TIAM2: variants seen among roughly 807,000 people sequenced by gnomAD.
The protein encoded by TIAM2 is TIAM Rac1 associated GEF 2.
Under a neutral mutation model 152.9 loss-of-function variants are expected in TIAM2, and 80 were observed. The ratio of observed to expected loss-of-function variants is 0.52; its 90% CI spans 0.44 to 0.63. The LOEUF (loss-of-function observed/expected upper bound fraction) is 0.63, where lower values mean the gene tolerates loss of function less well. Ranked by LOEUF, TIAM2 falls within the 30% of genes least tolerant of loss-of-function variation. The probability of loss-of-function intolerance (pLI) is 0.00; values close to 1 mark genes in which losing one functional copy is unlikely to be tolerated. For synonymous variants in TIAM2, 804 were observed against 838.0 expected (o/e 0.96, Z 0.70); for missense variants, 1,965 against 2,120.1 (o/e 0.93, Z 1.44).
At chr6:155,044,774 C>CGCACTCCAGCCACGGT (rs1777127930) in intron 1 of TIAM2, among the ~76,000 whole-genome samples, 1 of 151,740 alleles carries the variant, frequency 6.6e-6, no homozygotes, top group Non-Finnish European at 1.5e-5. Flanking sequence ...ATTGCACCAC[C>CGCACTCCAGCCACGGT]GCACTCCAGC....
In TIAM2 at chr6:155,250,899, T is replaced by C. The variant is rs1325564018; in HGVS notation, c.3952-14T>C. On this transcript the variant is annotated splice_polypyrimidine_tract_variant and intron_variant, in intron 21 of 26. Transcript: ENST00000682666. ...ATTTCCGTATCTTCCTTACCTCCTG[T>C]TTTTACAATCTAGGTAACAGAACTT... 4 of 1,613,138 alleles carry C rather than the reference T, an allele frequency of 2.5e-6. No homozygotes were observed. The highest frequency in any genetic ancestry group is 4.5e-5 in the East Asian group (2 of 44,888).
intron 14 of TIAM2, among the ~76,000 whole-genome samples, chr6:155,190,753 T>G (rs1365254478): frequency 6.6e-6 from 1 of 151,984 alleles, no homozygotes; most frequent in African/African-American, 2.4e-5. Context: ...GAAGGTAGAG[T>G]GAGCCGGCTC....
At chr6:155,201,745 T>A (rs1471891269) in intron 14 of TIAM2, among the ~76,000 whole-genome samples, 9 of 152,226 alleles carry the variant, frequency 5.9e-5, no homozygotes, top group Non-Finnish European at 1.5e-5. Flanking sequence ...ATGTATTTTT[T>A]CCCACTCTAA....
At chr6:155,002,225 A>G (rs1254901062) in intron 1 of TIAM2, among the ~76,000 whole-genome samples, 2 of 152,196 alleles carry the variant, frequency 1.3e-5, no homozygotes, top group African/African-American at 4.8e-5. Context: ...CCTAGGCAAC[A>G]TAGTAAGACC....
At chr6:155,101,874 G>T (rs981564714) in intron 2 of TIAM2, among the ~76,000 whole-genome samples, 1 of 152,038 alleles carries the variant, frequency 6.6e-6, no homozygotes, top group East Asian at 1.9e-4. Flanking sequence ...GCTATTTTTT[G>T]TATTTTTTTA....
At chr6:155,239,523 G>A (rs1782927366) in intron 15 of TIAM2, among the ~76,000 whole-genome samples, 1 of 152,240 alleles carries the variant, frequency 6.6e-6, no homozygotes, top group Non-Finnish European at 1.5e-5. Flanking sequence ...AGCAACTGTG[G>A]AAGCGTTTCA....
At chr6:155,210,799 C>T (rs140896193) in intron 14 of TIAM2, among the ~76,000 whole-genome samples, 4 of 152,316 alleles carry the variant, frequency 2.6e-5, no homozygotes, top group Admixed American at 1.3e-4. Context: ...TCATTGGTTT[C>T]CAAGATTCCC....
Position 155,213,400 on chromosome 6 carries a change from C to T in TIAM2, c.3168+2093C>T, listed in dbSNP as rs1008217731. Among the ~76,000 whole-genome samples, 2 of 152,176 alleles carry T rather than the reference C, an allele frequency of 1.3e-5. No individual in the cohort carries two copies. The highest frequency in any genetic ancestry group is 4.8e-5 in the African/African-American group (2 of 41,442). On this transcript the variant is annotated intron_variant, in intron 15 of 26. Transcript: ENST00000682666. The surrounding 1 kb of genome is among the most constrained non-coding windows in gnomAD (Gnocchi z 4.2). Reference sequence around the variant, plus strand: ...TCTCCACAGCTGGTAGTACTAATGTCTGCTTAGCTTTAAGCAGAGAGGAGA... The same window carrying T: ...TCTCCACAGCTGGTAGTACTAATGTTTGCTTAGCTTTAAGCAGAGAGGAGA...
intron 1 of TIAM2, chr6:155,005,096 A>T: frequency 3.4e-6 from 1 of 296,552 alleles, no homozygotes; most frequent in Non-Finnish European, 6.4e-6. Flanking sequence ...ATGGTAATGG[A>T]GGTCAGGTTG....
chr6:154,995,979 G>C lies in TIAM2; in HGVS notation c.-209+487G>C, dbSNP rs1267352254. 6.6e-6 allele frequency among the ~76,000 whole-genome samples: 1 copy of C among 152,180 alleles called. No homozygotes were observed. Among genetic ancestry groups the C allele is most frequent in the African/African-American group, 2.4e-5 (1 of 41,462 alleles). On this transcript the variant is annotated intron_variant, in intron 1 of 26. Coordinates refer to ENST00000682666, the MANE Select transcript of TIAM2 (RefSeq NM_012454.4). The surrounding 1 kb of genome is among the most constrained non-coding windows in gnomAD (Gnocchi z 5.2). ...GCTGCGGCGAAGCAGGATCCCAGGC[G>C]GTCGGCTCAGCGAGTGTAGACCGTG...
chr6:155,120,548 A>G (rs986837416), intron 2 of TIAM2, among the ~76,000 whole-genome samples: 1 of 152,206 alleles, frequency 6.6e-6, no homozygotes, highest in Non-Finnish European at 1.5e-5. Context: ...AGATTCTGGC[A>G]GTATTTACAG....
intron 18 of TIAM2, 94 bp downstream of exon 18, chr6:155,244,877 C>T: frequency 1.4e-6 from 2 of 1,402,786 alleles, no homozygotes; most frequent in Non-Finnish European, 1.9e-6. Flanking sequence ...AATTTCTTGT[C>T]CTGTGACTAT....
intron 7 of TIAM2, among the ~76,000 whole-genome samples, chr6:155,159,092 G>A (rs1288254380): frequency 3.3e-5 from 5 of 151,798 alleles, no homozygotes; most frequent in Non-Finnish European, 5.9e-5. Flanking sequence ...ATGTATCTTT[G>A]TCTTTCTTTT....
At chr6:155,122,726 C>G (rs1354911219) in intron 2 of TIAM2, among the ~76,000 whole-genome samples, 3 of 152,048 alleles carry the variant, frequency 2.0e-5, no homozygotes, top group Non-Finnish European at 4.4e-5. Flanking sequence ...CCCTGGGCCT[C>G]GCCACACGTT....
At chr6:155,114,050 C>T (rs9480059) in intron 2 of TIAM2, among the ~76,000 whole-genome samples, 23,857 of 57,838 alleles carry the variant, frequency 0.41, 6,350 homozygotes, top group South Asian at 0.47. Flanking sequence ...TTTTTTTTTT[C>T]TTTTTTTTTT....
At chr6:155,046,331 C>CTTTTTTT (rs1164422319) in intron 1 of TIAM2, among the ~76,000 whole-genome samples, 17 of 80,804 alleles carry the variant, frequency 2.1e-4, no homozygotes, top group East Asian at 3.9e-4. Context: ...TTGGCTCTGT[C>CTTTTTTT]TTTTTTTTTT....
At chr6:155,171,319 G>A (rs1268855099) in intron 9 of TIAM2, among the ~76,000 whole-genome samples, 2 of 152,200 alleles carry the variant, frequency 1.3e-5, no homozygotes, top group African/African-American at 4.8e-5. Flanking sequence ...CGAACGTCTG[G>A]ATGAGTAATA....
At chr6:155,124,916 A>G (rs373354720) in intron 2 of TIAM2, among the ~76,000 whole-genome samples, 2 of 144,290 alleles carry the variant, frequency 1.4e-5, no homozygotes, top group Admixed American at 6.9e-5. Context: ...CAGGCAGGAG[A>G]TTTGTCTTTG....
At chr6:155,009,133 G>T (rs1035019961) in intron 1 of TIAM2, among the ~76,000 whole-genome samples, 2 of 119,636 alleles carry the variant, frequency 1.7e-5, no homozygotes, top group Non-Finnish European at 3.2e-5. Context: ...GCAGGGTCTC[G>T]CTCTGTCACC....
Sources: allele counts gnomAD v4.1 joint callset (sites outside exome capture counted in the v4.1 genomes callset), GRCh38; gene constraint gnomAD v4.1.1; non-coding constraint Gnocchi (gnomAD v3.1); transcripts MANE v1.5; gene names NCBI Gene and HGNC (gene_info 2026-07-23, HGNC 2026-07-21).